The following MMP26 variants were observed in gnomAD, a reference collection of about 807,000 sequenced individuals.
MMP26 encodes the protein matrix metallopeptidase 26.
Under a neutral mutation model 31.0 loss-of-function variants are expected in MMP26, and 33 were observed. The observed-to-expected ratio is 1.06, with a 90% CI of 0.81 to 1.42. The LOEUF is 1.42. MMP26 is among the 40% of genes most tolerant of loss of function. The pLI, the probability that MMP26 is intolerant of heterozygous loss-of-function variation, is 0.00. For synonymous variants in MMP26, 122 were observed against 114.9 expected (o/e 1.06, Z -0.40); for missense variants, 347 against 316.1 (o/e 1.10, Z -0.74).
chr11:4,768,359 A>C (rs1848658582), intron 2 of MMP26, among the ~76,000 whole-genome samples: 1 of 152,188 alleles, frequency 6.6e-6, no homozygotes, highest in Admixed American at 6.5e-5. Flanking sequence ...TTGTATTATG[A>C]ATTATCCATG....
chr11:4,927,412 A>C (rs1851287817), intron 2 of MMP26, among the ~76,000 whole-genome samples: 1 of 152,154 alleles, frequency 6.6e-6, no homozygotes, highest in Non-Finnish European at 1.5e-5. Context: ...ACAAAATGAT[A>C]AACATGACTT....
intron 2 of MMP26, among the ~76,000 whole-genome samples, chr11:4,921,070 C>T (rs79877708): frequency 0.014 from 2,099 of 152,234 alleles, 50 homozygotes; most frequent in African/African-American, 0.048. Context: ...CAAACAATAT[C>T]CCATGAGCTG....
At position 4,839,595 on chromosome 11, in the gene MMP26, G is replaced by A. The variant is rs886425970; in HGVS notation, c.-145+72254G>A. On this transcript the variant is annotated intron_variant, in intron 2 of 7. Transcript: ENST00000380390. Reference sequence around the variant, plus strand: ...TTCTAGACACATCCTGGGTCAGAAGGGAACCTGCTGCCTTGAAGGGAAGGA... The same window carrying A: ...TTCTAGACACATCCTGGGTCAGAAGAGAACCTGCTGCCTTGAAGGGAAGGA... 4.0e-5 allele frequency among the ~76,000 whole-genome samples: 6 copies of A among 151,826 alleles called. No individual in the cohort carries two copies. In the South Asian group the frequency reaches 1.2e-3, roughly 31 times the overall value.
Position 4,925,771 on chromosome 11 carries a change from C to CAAA in MMP26, c.-144-62285_-144-62283dup, listed in dbSNP as rs11441973. Among the ~76,000 whole-genome samples, 798 of 142,148 alleles carry CAAA rather than the reference C, an allele frequency of 5.6e-3. 12 individuals carry two copies. The highest frequency in any genetic ancestry group is 0.019 in the African/African-American group (750 of 38,660). The allele number at this position is 142,148 out of a possible 152,430, so 93.3% of individuals were successfully genotyped here. ...AAAACCAAGCCACCACTGTTAACTACAAAAAAAAAAAAAATGAAGTAGGAC... is the reference window on the plus strand; with the variant it reads ...AAAACCAAGCCACCACTGTTAACTACAAAAAAAAAAAAAAAAATGAAGTAGGAC... On this transcript the variant is annotated intron_variant, in intron 2 of 7. Transcript: ENST00000380390.
chr11:4,723,676 C>G (rs1848051967), intron 1 of MMP26: 1 of 885,586 alleles, frequency 1.1e-6, no homozygotes, highest in Non-Finnish European at 1.9e-6. Flanking sequence ...CTCCATCAGC[C>G]CTTGCATGTT....
At chr11:4,793,887 A>T (rs1003488469) in intron 2 of MMP26, 8 of 152,166 alleles carry the variant, frequency 5.3e-5, no homozygotes, top group Admixed American at 5.2e-4. Context: ...GAGCAAGGAG[A>T]TGGGAATCAC....
At chr11:4,886,988 T>C (rs757359819) in intron 2 of MMP26, among the ~76,000 whole-genome samples, 3 of 152,050 alleles carry the variant, frequency 2.0e-5, no homozygotes, top group Non-Finnish European at 4.4e-5. Flanking sequence ...AAAAATCATA[T>C]GCACACAAAT....
intron 3 of MMP26, 45 bp from the exon 4 acceptor site, chr11:4,989,603 C>A: frequency 6.7e-7 from 1 of 1,502,030 alleles, no homozygotes; most frequent in Non-Finnish European, 9.1e-7. Flanking sequence ...ATATATGGGT[C>A]TTCCCTATTG....
chr11:4,769,282 A>T (rs753013334), intron 2 of MMP26: 3 of 1,613,756 alleles, frequency 1.9e-6, no homozygotes, highest in Admixed American at 1.7e-5. Flanking sequence ...TGCATGGTGT[A>T]TCTATTCCAG....
At chr11:4,714,418 C>T (rs898538354) in intron 1 of MMP26, among the ~76,000 whole-genome samples, 10 of 152,190 alleles carry the variant, frequency 6.6e-5, no homozygotes, top group African/African-American at 9.7e-5. Flanking sequence ...CACTGAAGGT[C>T]CTAAAGTCAA....
intron 2 of MMP26, chr11:4,912,588 G>A (rs1052384387): frequency 1.3e-5 from 2 of 151,980 alleles, no homozygotes; most frequent in African/African-American, 4.8e-5. Context: ...CTAATCATAG[G>A]CCTTTTGCAT....
chr11:4,947,677 C>G lies in MMP26; in HGVS notation c.-144-40391C>G, dbSNP rs1486638419. On this transcript the variant is annotated intron_variant, in intron 2 of 7. Transcript: ENST00000380390. ...ATAAGGGCTTGTCTTATTCTTTCTA[C>G]CTAACCACTGGCTCTGGGATTACTG... 35 of 125,696 alleles carry G rather than the reference C, an allele frequency of 2.8e-4. 9 individuals are homozygous for G. The highest frequency in any genetic ancestry group is 8.7e-4 in the African/African-American group (32 of 36,938). The allele number at this position is 125,696 out of a possible 1,614,324, so 7.8% of individuals were successfully genotyped here.
intron 1 of MMP26, chr11:4,711,092 T>C (rs1157098338): frequency 6.6e-6 from 1 of 152,262 alleles, no homozygotes; most frequent in Non-Finnish European, 1.5e-5. Context: ...AATATATGTC[T>C]AAAGAAGAAA....
intron 2 of MMP26, among the ~76,000 whole-genome samples, chr11:4,883,897 T>G (rs1445153985): frequency 6.6e-6 from 1 of 152,100 alleles, no homozygotes; most frequent in Non-Finnish European, 1.5e-5. Context: ...CTAGGATAAC[T>G]CATGTCTGAG....
In MMP26 at chr11:4,907,034, T is replaced by TGCAGAAAGCTGAGATC. The variant is rs1309312292; in HGVS notation, c.-144-81030_-144-81029insAAAGCTGAGATCGCAG. Among the ~76,000 whole-genome samples, 8 of 134,986 alleles carry TGCAGAAAGCTGAGATC rather than the reference T, an allele frequency of 5.9e-5. No homozygotes were observed. The Admixed American group carries it at 6.9e-4, about 12-fold the overall frequency. 88.6% of individuals were successfully genotyped at this position (134,986 alleles called of 152,430 possible). On this transcript the variant is annotated intron_variant, in intron 2 of 7. Transcript: ENST00000380390. ...TCACTTGATCGCGGGAGGTGGAGGTTGCAGCAAGCTGAGATCGCACCATTG... is the reference window on the plus strand; with the variant it reads ...TCACTTGATCGCGGGAGGTGGAGGTTGCAGAAAGCTGAGATCGCAGCAAGCTGAGATCGCACCATTG...
At chr11:4,907,698 T>G in intron 2 of MMP26, 1 of 1,613,576 alleles carries the variant, frequency 6.2e-7, no homozygotes, top group Non-Finnish European at 8.5e-7. Context: ...TTCACTGTCA[T>G]GGAATCCTCA....
intron 2 of MMP26, among the ~76,000 whole-genome samples, chr11:4,936,929 C>A (rs1264131570): frequency 1.3e-5 from 2 of 151,998 alleles, no homozygotes; most frequent in South Asian, 4.2e-4. Flanking sequence ...GCAAGGTGAC[C>A]TCGAATTAGA....
chr11:4,849,013 G>A lies in MMP26; in HGVS notation c.-145+81672G>A, dbSNP rs1396718361. 3 of 1,613,984 alleles carry A rather than the reference G, an allele frequency of 1.9e-6. No individual in the cohort carries two copies. In the Admixed American group the frequency reaches 5.0e-5, roughly 27 times the overall value. On this transcript the variant is annotated intron_variant, in intron 2 of 7. Transcript: ENST00000380390. ...AGCAAGAAGAGGAAGAAGTGCATTG[G>A]GCGGTGCAGGGCGGGCTGCAGGGCA... is the stretch of plus-strand genomic sequence containing the variant.
rs1426198614 is a variant in MMP26 at position 4,838,315 on chromosome 11, T to A, written c.-145+70974T>A. On this transcript the variant is annotated intron_variant, in intron 2 of 7. Transcript: ENST00000380390. ...CCAGGGCACAGGGCAAGACTCTGTC[T>A]AAAAAAAAAAAAAAAAAAAAAAAAA... Among the ~76,000 whole-genome samples, 21 of 27,418 alleles carry A rather than the reference T, an allele frequency of 7.7e-4. No homozygotes were observed. The South Asian group carries it at 0.032, about 42-fold the overall frequency. The allele number at this position is 27,418 out of a possible 152,430, so 18.0% of individuals were successfully genotyped here.
Sources: gnomAD v4.1 joint callset for allele counts (sites outside exome capture counted in the v4.1 genomes callset) on GRCh38, gnomAD v4.1.1 for gene constraint, MANE v1.5 for transcripts, NCBI Gene and HGNC (gene_info 2026-07-23, HGNC 2026-07-21) for gene names.